The following DMD variants were observed in gnomAD, a reference collection of about 807,000 sequenced individuals.
DMD encodes dystrophin.
DMD carries 63 observed loss-of-function variants against 330.1 expected under a neutral mutation model. That is an observed-to-expected ratio of 0.19 (90% CI 0.16 to 0.24). The LOEUF (loss-of-function observed/expected upper bound fraction) is 0.24. Among genes scored for constraint, DMD ranks in the 10% least tolerant of loss-of-function variants. The probability of loss-of-function intolerance (pLI) is 1.00; values close to 1 mark genes in which losing one functional copy is unlikely to be tolerated. For missense variants in DMD, 3,344 were observed against 2,684.1 expected, an observed-to-expected ratio of 1.25 and a Z score of -5.43; for synonymous variants, 1,223 against 959.8, an observed-to-expected ratio of 1.27 and a Z score of -5.07.
intron 7 of DMD, among the ~76,000 whole-genome samples, chrX:32,721,176 C>T (rs2066268463): frequency 9.0e-6 from 1 of 110,862 alleles, no homozygotes; most frequent in Non-Finnish European, 1.9e-5. Context: ...GAGAGTAAGG[C>T]TATCTCCACA....
At chrX:32,342,391 T>C (rs1389466347) in intron 40 of DMD, 109 bp from the exon 41 acceptor site, 36 of 826,712 alleles carry the variant, frequency 4.4e-5, no homozygotes, top group Non-Finnish European at 4.1e-5. Context: ...GTCCCTTTAT[T>C]GTCATCCTTT....
At chrX:31,749,908 T>G (rs1370536051) in intron 51 of DMD, among the ~76,000 whole-genome samples, 4 of 106,323 alleles carry the variant, frequency 3.8e-5, no homozygotes, top group Non-Finnish European at 7.7e-5. Flanking sequence ...TGGTGAGCAT[T>G]TTTTCATGTG....
At chrX:31,646,639 G>T (rs906625402) in intron 54 of DMD, among the ~76,000 whole-genome samples, 1 of 111,570 alleles carries the variant, frequency 9.0e-6, no homozygotes, top group African/African-American at 3.3e-5. Flanking sequence ...GCTCACAGCT[G>T]CCTCCCTCCC....
intron 2 of DMD, among the ~76,000 whole-genome samples, chrX:32,859,538 A>G (rs947787690): frequency 8.2e-5 from 9 of 109,576 alleles, no homozygotes; most frequent in African/African-American, 1.0e-4. Flanking sequence ...ATAATATAAA[A>G]ATATTATATT....
intron 1 of DMD, among the ~76,000 whole-genome samples, chrX:33,268,323 AT>A (rs1292486434): frequency 2.7e-5 from 3 of 111,305 alleles, no homozygotes; most frequent in African/African-American, 9.8e-5. Context: ...CCCAAAAGTA[AT>A]TGTAACAAAA....
At chrX:32,016,642 G>A (rs947218269) in intron 44 of DMD, among the ~76,000 whole-genome samples, 3 of 112,298 alleles carry the variant, frequency 2.7e-5, no homozygotes, top group African/African-American at 9.7e-5. Context: ...AGATACTTCT[G>A]GATCCCTCGG....
At chrX:32,533,825 T>C (rs945475468) in intron 17 of DMD, among the ~76,000 whole-genome samples, 1 of 111,917 alleles carries the variant, frequency 8.9e-6, no homozygotes, top group African/African-American at 3.3e-5. Context: ...GGAGGCAATT[T>C]AAACTTTAAA....
chrX:31,140,940 C>T (rs964528128), intron 76 of DMD, among the ~76,000 whole-genome samples: 1 of 111,516 alleles, frequency 9.0e-6, no homozygotes. Context: ...CCTTTAATCC[C>T]AGCACTTTGG....
At chrX:32,517,851 AT>A in intron 18 of DMD, 156 bp downstream of exon 18, 1 of 619,647 alleles carries the variant, frequency 1.6e-6, no homozygotes, top group South Asian at 3.0e-5. Context: ...CTAAACTTTG[AT>A]TTTGCTTGCT....
At chrX:32,256,941 T>C (rs2097301951) in intron 43 of DMD, among the ~76,000 whole-genome samples, 1 of 111,295 alleles carries the variant, frequency 9.0e-6, no homozygotes, top group Admixed American at 9.6e-5. Flanking sequence ...TGGCTGCCCC[T>C]AACATTACGA....
At chrX:32,155,777 A>C (rs142030435) in intron 44 of DMD, among the ~76,000 whole-genome samples, 19 of 111,874 alleles carry the variant, frequency 1.7e-4, no homozygotes, top group African/African-American at 6.2e-4. Context: ...TCTGTTTCGA[A>C]ATTGCAGCCC....
intron 55 of DMD, among the ~76,000 whole-genome samples, chrX:31,543,738 G>A (rs760873045): frequency 2.1e-4 from 24 of 111,713 alleles, no homozygotes; most frequent in Non-Finnish European, 3.9e-4. Context: ...GATAAGATAT[G>A]AGAGTGATGA....
chrX:31,152,893 T>C (rs1353767859), intron 74 of DMD, among the ~76,000 whole-genome samples: 1 of 45,017 alleles, frequency 2.2e-5, no homozygotes, highest in Non-Finnish European at 6.3e-5. Flanking sequence ...CATTTCTTCA[T>C]GTATTTTGGA....
At chrX:32,810,070 CCATAAT>C (rs2077260082) in intron 6 of DMD, among the ~76,000 whole-genome samples, 1 of 110,327 alleles carries the variant, frequency 9.1e-6, no homozygotes, top group South Asian at 3.9e-4. Context: ...GTTCAGTGAA[CCATAAT>C]CGTGCCACTG....
At chrX:31,398,642 A>G (rs202160514) in intron 60 of DMD, among the ~76,000 whole-genome samples, 2 of 111,594 alleles carry the variant, frequency 1.8e-5, no homozygotes, top group East Asian at 5.6e-4. Flanking sequence ...GCCACATCAT[A>G]TATATTTTTT....
chrX:31,570,125 G>A (rs2075732830), intron 55 of DMD, among the ~76,000 whole-genome samples: 1 of 111,302 alleles, frequency 9.0e-6, no homozygotes. Context: ...GTCTCCTCTA[G>A]TCTGTGACAG....
At chrX:31,432,321 C>G (rs1010680486) in intron 60 of DMD, among the ~76,000 whole-genome samples, 2 of 111,207 alleles carry the variant, frequency 1.8e-5, no homozygotes, top group Non-Finnish European at 3.8e-5. Context: ...GAAGAGAGTC[C>G]TTTTTCTTAC....
intron 21 of DMD, among the ~76,000 whole-genome samples, chrX:32,481,135 C>A (rs1466846248): frequency 9.0e-6 from 1 of 110,584 alleles, no homozygotes; most frequent in African/African-American, 3.3e-5. Context: ...CCATGGAGAG[C>A]ATCCTTGCTG....
intron 43 of DMD, among the ~76,000 whole-genome samples, chrX:32,278,261 A>G (rs1323513855): frequency 9.0e-6 from 1 of 111,528 alleles, no homozygotes; most frequent in Non-Finnish European, 1.9e-5. Context: ...ATTAAACCAT[A>G]AAGAAATCCA....
Sources: gnomAD v4.1 joint callset for allele counts (sites outside exome capture counted in the v4.1 genomes callset) on GRCh38, gnomAD v4.1.1 for gene constraint, MANE v1.5 for transcripts, NCBI Gene and HGNC (gene_info 2026-07-23, HGNC 2026-07-21) for gene names.